Variants in PTPRG observed in about 807,000 individuals in gnomAD.
PTPRG encodes the protein protein tyrosine phosphatase receptor type G.
PTPRG carries 102 observed loss-of-function variants against 165.3 expected under a neutral mutation model. The observed-to-expected ratio is 0.62, with a 90% CI of 0.53 to 0.73. The LOEUF (loss-of-function observed/expected upper bound fraction) is 0.73, where lower values mean the gene tolerates loss of function less well. Ranked by LOEUF, PTPRG falls within the 30% of genes least tolerant of loss-of-function variation. PTPRG has a pLI of 0.00. For synonymous variants in PTPRG, 675 were observed against 669.5 expected, an observed-to-expected ratio of 1.01 and a Z score of -0.13; for missense variants, 1,866 against 1,861.4, an observed-to-expected ratio of 1.00 and a Z score of -0.05.
chr3:62,182,817 C>T (rs960452060), intron 8 of PTPRG, among the ~76,000 whole-genome samples: 24 of 152,150 alleles, frequency 1.6e-4, no homozygotes, highest in Non-Finnish European at 2.5e-4. Flanking sequence ...CCACCATGCC[C>T]AGCTAATTTT....
At chr3:61,637,192 G>A (rs1701934033) in intron 1 of PTPRG, among the ~76,000 whole-genome samples, 2 of 152,200 alleles carry the variant, frequency 1.3e-5, no homozygotes, top group South Asian at 4.1e-4. Flanking sequence ...GAACTAAGAT[G>A]TCCTGGCATT....
intron 4 of PTPRG, among the ~76,000 whole-genome samples, chr3:62,051,737 A>G (rs535748033): frequency 5.9e-5 from 9 of 152,318 alleles, no homozygotes; most frequent in Admixed American, 5.9e-4. Flanking sequence ...TGTTTTGTCA[A>G]TTAAAAGAAA....
At chr3:61,716,164 C>T (rs924716355) in intron 1 of PTPRG, among the ~76,000 whole-genome samples, 12 of 152,140 alleles carry the variant, frequency 7.9e-5, no homozygotes, top group African/African-American at 2.9e-4. Flanking sequence ...TGCTTTTTTC[C>T]CCAGAATTGG....
chr3:62,026,300 T>C (rs549835566), intron 4 of PTPRG, among the ~76,000 whole-genome samples: 1 of 152,356 alleles, frequency 6.6e-6, no homozygotes, highest in Non-Finnish European at 1.5e-5. Context: ...TGCAATGTTC[T>C]TGACATTCAA....
chr3:61,746,516 A>T (rs1048577049), intron 1 of PTPRG, among the ~76,000 whole-genome samples: 2 of 152,096 alleles, frequency 1.3e-5, no homozygotes, highest in East Asian at 3.9e-4. Flanking sequence ...AACAGAATTG[A>T]TTTTTTGGTC....
chr3:61,760,444 C>T (rs2033797542), intron 2 of PTPRG, among the ~76,000 whole-genome samples: 1 of 152,144 alleles, frequency 6.6e-6, no homozygotes, highest in East Asian at 1.9e-4. Flanking sequence ...TGTAAACCCA[C>T]TCTGTACCAT....
chr3:61,782,356 A>C (rs1475956928), intron 2 of PTPRG, among the ~76,000 whole-genome samples: 1 of 152,218 alleles, frequency 6.6e-6, no homozygotes, highest in Non-Finnish European at 1.5e-5. Flanking sequence ...AATCAGTGCT[A>C]ATTTAATAAT....
At chr3:62,151,629 A>G (rs1303915642) in intron 6 of PTPRG, among the ~76,000 whole-genome samples, 1 of 151,136 alleles carries the variant, frequency 6.6e-6, no homozygotes, top group Middle Eastern at 3.2e-3. Context: ...CTAGTAATGC[A>G]CAGTACCTGC....
chr3:62,227,533 G>A (rs1397051688), intron 13 of PTPRG, among the ~76,000 whole-genome samples: 1 of 152,236 alleles, frequency 6.6e-6, no homozygotes, highest in East Asian at 1.9e-4. Context: ...GAGAGGAAAC[G>A]GTTTCCAGAA....
chr3:62,102,319 G>C lies in PTPRG; in HGVS notation c.615+24061G>C, dbSNP rs185462288. 7.0e-4 allele frequency among the ~76,000 whole-genome samples: 107 copies of C among 152,180 alleles called. 1 individual carries two copies. In the East Asian group the frequency reaches 0.019, roughly 28 times the overall value. On this transcript the variant is annotated intron_variant, in intron 5 of 29. Coordinates refer to ENST00000474889, the MANE Select transcript of PTPRG (RefSeq NM_002841.4). ...TGATGGAGTCTCGCTCTGTTGCCCA[G>C]GCTGGAGTGCAGTGGCGCAATCTTG...
chr3:61,753,071 A>G (rs2033506726), intron 2 of PTPRG, among the ~76,000 whole-genome samples: 1 of 152,188 alleles, frequency 6.6e-6, no homozygotes, highest in South Asian at 2.1e-4. Context: ...GGAGATATGT[A>G]TTAGAGTTCT....
intron 2 of PTPRG, among the ~76,000 whole-genome samples, chr3:61,892,346 T>C (rs1039654023): frequency 6.6e-6 from 1 of 152,168 alleles, no homozygotes; most frequent in Admixed American, 6.5e-5. Flanking sequence ...CCTGCCTCAG[T>C]GTCCTGTGTA....
intron 2 of PTPRG, among the ~76,000 whole-genome samples, chr3:61,834,386 A>G (rs533267531): frequency 6.6e-6 from 1 of 152,126 alleles, no homozygotes; most frequent in South Asian, 2.1e-4. Context: ...TTTGCTGTTG[A>G]GCTTAATTGA....
chr3:61,641,485 T>C (rs1702060090), intron 1 of PTPRG, among the ~76,000 whole-genome samples: 2 of 152,226 alleles, frequency 1.3e-5, no homozygotes, highest in African/African-American at 4.8e-5. Context: ...TATTTCTCCT[T>C]GCCTTCTCTC....
Position 61,905,436 on chromosome 3 carries a change from A to G in PTPRG, c.191-84189A>G, listed in dbSNP as rs57390991. Among the ~76,000 whole-genome samples, 756 of 152,182 alleles carry G rather than the reference A, an allele frequency of 5.0e-3. 6 individuals carry two copies. The highest frequency in any genetic ancestry group is 0.017 in the African/African-American group (711 of 41,536). ...ACTTCCCCTTCCATCTTTTGACACT[A>G]TCTATCCAATTCTCAGGATTCTTTG... On this transcript the variant is annotated intron_variant, in intron 2 of 29. Transcript: ENST00000474889.
intron 4 of PTPRG, among the ~76,000 whole-genome samples, chr3:62,069,712 A>C (rs1701148456): frequency 6.6e-6 from 1 of 151,384 alleles, no homozygotes; most frequent in Admixed American, 6.6e-5. Flanking sequence ...ACACACACAC[A>C]CACATGCACG....
chr3:61,963,397 T>C (rs557723657), intron 2 of PTPRG, among the ~76,000 whole-genome samples: 49 of 152,092 alleles, frequency 3.2e-4, no homozygotes, highest in Non-Finnish European at 5.9e-4. Flanking sequence ...ATATGGCATC[T>C]AGAAAAAAAA....
chr3:61,823,433 C>T (rs537377080), intron 2 of PTPRG, among the ~76,000 whole-genome samples: 10 of 152,222 alleles, frequency 6.6e-5, no homozygotes, highest in South Asian at 2.1e-4. Flanking sequence ...CGTGATCCAC[C>T]GCCTCGGCCT....
chr3:61,978,167 T>C (rs2040553126), intron 2 of PTPRG, among the ~76,000 whole-genome samples: 1 of 152,202 alleles, frequency 6.6e-6, no homozygotes, highest in East Asian at 1.9e-4. Flanking sequence ...TTAGAGCTGA[T>C]TGATTTCTAG....
Sources: gnomAD v4.1 joint callset for allele counts (sites outside exome capture counted in the v4.1 genomes callset) on GRCh38, gnomAD v4.1.1 for gene constraint, MANE v1.5 for transcripts, NCBI Gene and HGNC (gene_info 2026-07-23, HGNC 2026-07-21) for gene names.